The following SDK1 variants were observed in gnomAD, a reference collection of about 807,000 sequenced individuals.
SDK1 encodes protein sidekick-1.
SDK1 carries 157 observed loss-of-function variants against 245.5 expected under a neutral mutation model. The observed-to-expected ratio is 0.64, with a 90% CI of 0.56 to 0.73. The LOEUF (loss-of-function observed/expected upper bound fraction) is 0.73, where lower values mean the gene tolerates loss of function less well. Among genes scored for constraint, SDK1 ranks in the 30% least tolerant of loss-of-function variants. SDK1 has a pLI of 0.00. For synonymous variants in SDK1, 1,647 were observed against 1,278.5 expected (o/e 1.29, Z -6.15); for missense variants, 3,583 against 3,002.3 (o/e 1.19, Z -4.52).
intron 1 of SDK1, among the ~76,000 whole-genome samples, chr7:3,419,088 A>G (rs1353726221): frequency 6.6e-6 from 1 of 152,208 alleles, no homozygotes; most frequent in East Asian, 1.9e-4. Flanking sequence ...TTTGATCTGC[A>G]TTTGATTGAA....
At chr7:3,731,870 C>T in intron 4 of SDK1, among the ~76,000 whole-genome samples, 1 of 152,142 alleles carries the variant, frequency 6.6e-6, no homozygotes. Context: ...TGGCTCACTG[C>T]AACCTCCACT....
At chr7:3,612,846 G>C (rs1781645522) in intron 1 of SDK1, among the ~76,000 whole-genome samples, 2 of 152,236 alleles carry the variant, frequency 1.3e-5, no homozygotes, top group South Asian at 2.1e-4. Flanking sequence ...GATTATGATG[G>C]CTTAATACAG....
intron 1 of SDK1, among the ~76,000 whole-genome samples, chr7:3,471,887 G>A (rs1170302629): frequency 6.6e-6 from 1 of 152,144 alleles, no homozygotes; most frequent in Non-Finnish European, 1.5e-5. Flanking sequence ...ATATTGAAGT[G>A]TTTTGCATTT....
At chr7:4,020,930 C>G (rs965678449) in intron 17 of SDK1, among the ~76,000 whole-genome samples, 2 of 152,218 alleles carry the variant, frequency 1.3e-5, no homozygotes, top group African/African-American at 4.8e-5. Flanking sequence ...CACACACATG[C>G]CAGCACTGTG....
intron 1 of SDK1, among the ~76,000 whole-genome samples, chr7:3,341,002 G>A (rs1210075854): frequency 1.3e-5 from 2 of 152,054 alleles, no homozygotes; most frequent in East Asian, 1.9e-4. Flanking sequence ...GAAAACAGGA[G>A]AGAAGACCTA....
intron 35 of SDK1, among the ~76,000 whole-genome samples, chr7:4,205,551 A>G (rs1245636695): frequency 6.6e-6 from 1 of 152,212 alleles, no homozygotes; most frequent in Non-Finnish European, 1.5e-5. Flanking sequence ...CTTTGGTTTC[A>G]AATACTCTGC....
At chr7:3,476,763 C>A (rs1355150252) in intron 1 of SDK1, among the ~76,000 whole-genome samples, 1 of 152,202 alleles carries the variant, frequency 6.6e-6, no homozygotes, top group East Asian at 1.9e-4. Context: ...ATGACCTCAT[C>A]CCCAGGCCCA....
chr7:3,649,580 A>C (rs1782944797), intron 4 of SDK1, among the ~76,000 whole-genome samples: 1 of 151,998 alleles, frequency 6.6e-6, no homozygotes, highest in Non-Finnish European at 1.5e-5. Context: ...TGTGATCCTT[A>C]ATAATAATAA....
intron 38 of SDK1, among the ~76,000 whole-genome samples, chr7:4,212,177 C>T (rs780191262): frequency 8.5e-5 from 13 of 152,136 alleles, no homozygotes; most frequent in African/African-American, 2.7e-4. Context: ...CATTTAAAGC[C>T]GTGATAAAAG....
intron 1 of SDK1, among the ~76,000 whole-genome samples, chr7:3,461,175 C>G (rs886449748): frequency 6.6e-6 from 1 of 152,112 alleles, no homozygotes; most frequent in African/African-American, 2.4e-5. Flanking sequence ...TGTGCAGACC[C>G]TAGGACCCAG....
chr7:4,215,569 C>A (rs1784749755), intron 38 of SDK1, among the ~76,000 whole-genome samples: 1 of 152,218 alleles, frequency 6.6e-6, no homozygotes, highest in African/African-American at 2.4e-5. Context: ...CTGGGCCAGC[C>A]AACCCCCAGT....
chr7:3,594,330 C>A (rs1051691056), intron 1 of SDK1, among the ~76,000 whole-genome samples: 1 of 152,194 alleles, frequency 6.6e-6, no homozygotes, highest in Admixed American at 6.5e-5. Flanking sequence ...GGATATACCA[C>A]ATATTGCTTA....
intron 35 of SDK1, among the ~76,000 whole-genome samples, chr7:4,202,580 T>A (rs1337193024): frequency 6.6e-6 from 1 of 152,058 alleles, no homozygotes; most frequent in Non-Finnish European, 1.5e-5. Flanking sequence ...CATGTCGCTG[T>A]CCCCAGATCA....
intron 1 of SDK1, among the ~76,000 whole-genome samples, chr7:3,304,819 A>G (rs1428487736): frequency 1.3e-5 from 2 of 152,214 alleles, no homozygotes; most frequent in Non-Finnish European, 2.9e-5. Context: ...ACTTGGTTGC[A>G]CATTGGAATC....
chr7:3,316,264 C>G (rs1010014266), intron 1 of SDK1, among the ~76,000 whole-genome samples: 13 of 152,112 alleles, frequency 8.5e-5, no homozygotes, highest in Non-Finnish European at 1.6e-4. Flanking sequence ...GATTATAATT[C>G]TGTATGTTTA....
At chr7:3,852,384 C>G (rs1209624232) in intron 5 of SDK1, among the ~76,000 whole-genome samples, 4 of 151,782 alleles carry the variant, frequency 2.6e-5, no homozygotes, top group Admixed American at 6.6e-5. Context: ...ATCACCACTG[C>G]CAACACATCA....
chr7:3,519,684 G>T (rs570065178), intron 1 of SDK1, among the ~76,000 whole-genome samples: 1 of 152,008 alleles, frequency 6.6e-6, no homozygotes, highest in Non-Finnish European at 1.5e-5. Flanking sequence ...CCAGAGATAC[G>T]CATAAAAAAT....
intron 19 of SDK1, among the ~76,000 whole-genome samples, 172 bp downstream of exon 19, chr7:4,052,002 G>T (rs569030018): frequency 6.6e-6 from 1 of 152,078 alleles, no homozygotes; most frequent in South Asian, 2.1e-4. Context: ...ATAATGCCTC[G>T]CAGAGGATGG....
intron 28 of SDK1, among the ~76,000 whole-genome samples, chr7:4,139,096 C>T (rs1173682791): frequency 6.6e-6 from 1 of 151,632 alleles, no homozygotes; most frequent in Non-Finnish European, 1.5e-5. Context: ...TCTCCACCGG[C>T]CCCCACAGTG....
Sources: gnomAD v4.1 joint callset for allele counts (sites outside exome capture counted in the v4.1 genomes callset) on GRCh38, gnomAD v4.1.1 for gene constraint, MANE v1.5 for transcripts, NCBI Gene and HGNC (gene_info 2026-07-23, HGNC 2026-07-21) for gene names.